The following BRINP1 variants were observed in gnomAD, a reference collection of about 807,000 sequenced individuals.
BRINP1 encodes BMP/retinoic acid inducible neural specific 1, also known as BMP/retinoic acid-inducible neural-specific protein 1.
A neutral mutation model predicts 72.9 loss-of-function variants in BRINP1; 17 were observed. That is an observed-to-expected ratio of 0.23 (90% CI 0.16 to 0.35). BRINP1 has a LOEUF of 0.35. Ranked by LOEUF, BRINP1 falls within the 10% of genes least tolerant of loss-of-function variation. The pLI is 1.00. For synonymous variants in BRINP1, 418 were observed against 378.5 expected (o/e 1.10, Z -1.21); for missense variants, 850 against 1,001.6 (o/e 0.85, Z 2.04).
rs1357166281 is a variant in BRINP1, at chr9:119,248,985, G to A, written c.384C>T (p.His128=). 1.2e-6 allele frequency: 2 copies of A among 1,613,790 alleles called. No individual in the cohort carries two copies. Among genetic ancestry groups the A allele is most frequent in the East Asian group, 2.2e-5 (1 of 44,858 alleles). ...CTCCCAATGTGGCTGAGATGAGCAG[G>A]TGGGTGCCGTACTTTTTGATGATGG... ...IDTIIKKYGT[H]LLISATLGGE... is the part of the protein sequence containing the mutation. The change falls in exon 3 of 8, where the codon CAC becomes CAT. Residue 128 remains histidine (H), a synonymous_variant. Coordinates refer to ENST00000265922, the MANE Select transcript of BRINP1 (RefSeq NM_014618.3).
intron 5 of BRINP1, among the ~76,000 whole-genome samples, chr9:119,217,023 T>C (rs1250074396): frequency 6.6e-6 from 1 of 152,192 alleles, no homozygotes; most frequent in Non-Finnish European, 1.5e-5. Flanking sequence ...AATGAAGACA[T>C]AGCAATTAAA....
chr9:119,357,938 A>G (rs916047683), intron 1 of BRINP1, among the ~76,000 whole-genome samples: 1 of 152,222 alleles, frequency 6.6e-6, no homozygotes, highest in African/African-American at 2.4e-5. Context: ...ATGGCAATTC[A>G]AGGACAGAAC....
chr9:119,199,525 C>A (rs893273310), intron 7 of BRINP1, among the ~76,000 whole-genome samples: 3 of 152,092 alleles, frequency 2.0e-5, no homozygotes, highest in African/African-American at 7.2e-5. Flanking sequence ...TTGGCTAAGG[C>A]TCGGACTGCT....
At chr9:119,202,711 T>C (rs1168491135) in intron 7 of BRINP1, among the ~76,000 whole-genome samples, 1 of 152,056 alleles carries the variant, frequency 6.6e-6, no homozygotes, top group Non-Finnish European at 1.5e-5. Flanking sequence ...CATCACAGTA[T>C]CCCCAGATCC....
chr9:119,167,729 G>T lies in BRINP1; in HGVS notation c.1641C>A (p.Arg547=), dbSNP rs200215097. ...GGCTGCTGTTGCGCATCTGGCAGATGCGCATGGACATGCCGATCACCATGT... is the reference window on the plus strand; with the variant it reads ...GGCTGCTGTTGCGCATCTGGCAGATTCGCATGGACATGCCGATCACCATGT... ...FIHMVIGMSM[R]ICQMRNSSLD... The change falls in exon 8 of 8, where the codon CGC becomes CGA. Residue 547 remains arginine, a synonymous_variant. Transcript: ENST00000265922. The surrounding 1 kb of genome is among the most constrained non-coding windows in gnomAD (Gnocchi z 4.3). The T allele has an allele frequency of 1.2e-6, 2 of 1,614,130 alleles. No homozygotes were observed. The highest frequency in any genetic ancestry group is 4.5e-5 in the East Asian group (2 of 44,852).
chr9:119,355,083 T>A (rs1308275322), intron 1 of BRINP1, among the ~76,000 whole-genome samples: 1 of 152,170 alleles, frequency 6.6e-6, no homozygotes, highest in Non-Finnish European at 1.5e-5. Context: ...TGATCCCCCA[T>A]ATCCCACTAA....
At chr9:119,349,019 TTTGAG>T (rs1043638684) in intron 1 of BRINP1, among the ~76,000 whole-genome samples, 17 of 151,830 alleles carry the variant, frequency 1.1e-4, no homozygotes, top group African/African-American at 3.9e-4. Context: ...GCTCAGAGAG[TTTGAG>T]TTATTTGCCA....
chr9:119,310,663 G>A (rs1831052701), intron 2 of BRINP1, among the ~76,000 whole-genome samples: 1 of 152,170 alleles, frequency 6.6e-6, no homozygotes, highest in Non-Finnish European at 1.5e-5. Context: ...GGGCAGATCA[G>A]TAAAGCTGGC....
intron 2 of BRINP1, among the ~76,000 whole-genome samples, chr9:119,259,185 G>A (rs991575587): frequency 3.3e-5 from 5 of 152,164 alleles, no homozygotes; most frequent in African/African-American, 1.2e-4. Context: ...CAGACTTTAC[G>A]GTCGGCCTGG....
intron 5 of BRINP1, among the ~76,000 whole-genome samples, chr9:119,218,069 A>C (rs10984444): frequency 0.47 from 71,655 of 151,726 alleles, 17,609 homozygotes; most frequent in Middle Eastern, 0.7. Flanking sequence ...TATTTCTAAT[A>C]GTTTTTCTAT....
At chr9:119,326,454 T>C (rs1831240635) in intron 1 of BRINP1, among the ~76,000 whole-genome samples, 1 of 152,350 alleles carries the variant, frequency 6.6e-6, no homozygotes, top group East Asian at 1.9e-4. Flanking sequence ...ATATGTAGAA[T>C]AATTATTTTT....
chr9:119,191,109 AT>A (rs1315855648), intron 7 of BRINP1, among the ~76,000 whole-genome samples: 1 of 152,006 alleles, frequency 6.6e-6, no homozygotes, highest in African/African-American at 2.4e-5. Context: ...AAACTCATAA[AT>A]TTAGCTATAG....
intron 1 of BRINP1, among the ~76,000 whole-genome samples, chr9:119,366,508 GT>G (rs1564259533): frequency 2.3e-3 from 4 of 1,732 alleles, no homozygotes; most frequent in Non-Finnish European, 6.0e-3. Context: ...ACCACCGTGT[GT>G]GTGTGTGTGT....
intron 1 of BRINP1, among the ~76,000 whole-genome samples, chr9:119,336,141 T>A (rs1831343220): frequency 6.6e-6 from 1 of 152,182 alleles, no homozygotes; most frequent in African/African-American, 2.4e-5. Context: ...GGGTGATGTT[T>A]CCTTCAAGTG....
At chr9:119,310,406 A>G (rs1297382257) in intron 2 of BRINP1, among the ~76,000 whole-genome samples, 1 of 152,226 alleles carries the variant, frequency 6.6e-6, no homozygotes. Context: ...TTGTAAAGCA[A>G]CATGAGAAGA....
rs191028721 is a variant in BRINP1, at chr9:119,301,173, T to C, written c.218+11965A>G. Among the ~76,000 whole-genome samples, 172 of 152,358 alleles carry C rather than the reference T, an allele frequency of 1.1e-3. 1 individual carries two copies. Among genetic ancestry groups the C allele is most frequent in the South Asian group, 1.7e-3 (8 of 4,830 alleles). Reference sequence around the variant, plus strand: ...AAAGCTGGCTTATCATCTTCAAACATGGATAACCTCAAAAAGTCTCCTTGT... The same window carrying C: ...AAAGCTGGCTTATCATCTTCAAACACGGATAACCTCAAAAAGTCTCCTTGT... On this transcript the variant is annotated intron_variant, in intron 2 of 7. Transcript: ENST00000265922.
chr9:119,203,945 T>G (rs953559881), intron 7 of BRINP1, among the ~76,000 whole-genome samples: 1 of 152,174 alleles, frequency 6.6e-6, no homozygotes, highest in African/African-American at 2.4e-5. Flanking sequence ...AGGTTAGGCT[T>G]TTGGCCAACA....
At chr9:119,245,569 G>C (rs1034182069) in intron 3 of BRINP1, among the ~76,000 whole-genome samples, 1 of 152,058 alleles carries the variant, frequency 6.6e-6, no homozygotes, top group African/African-American at 2.4e-5. Context: ...TATTTTATTA[G>C]TTTAATAGAT....
chr9:119,317,823 T>A (rs1205539816), intron 1 of BRINP1, among the ~76,000 whole-genome samples: 1 of 152,138 alleles, frequency 6.6e-6, no homozygotes, highest in East Asian at 1.9e-4. Context: ...GCAAAAAGAT[T>A]TTAACTCACT....
Sources: gnomAD v4.1 joint callset for allele counts (sites outside exome capture counted in the v4.1 genomes callset) on GRCh38, gnomAD v4.1.1 for gene constraint, Gnocchi (gnomAD v3.1) non-coding constraint, MANE v1.5 for transcripts, NCBI Gene and HGNC (gene_info 2026-07-23, HGNC 2026-07-21) for gene names.